Variants in ATP2B2 observed in about 807,000 individuals in gnomAD.
ATP2B2 encodes ATPase plasma membrane Ca2+ transporting 2, also known as plasma membrane calcium-transporting ATPase 2.
A neutral mutation model predicts 120.0 loss-of-function variants in ATP2B2; 15 were observed. That is an observed-to-expected ratio of 0.12 (90% CI 0.08 to 0.19). ATP2B2 has a LOEUF of 0.19. Among genes scored for constraint, ATP2B2 ranks in the 10% least tolerant of loss-of-function variants. The pLI, the probability that ATP2B2 is intolerant of heterozygous loss-of-function variation, is 1.00. For missense variants in ATP2B2, 1,045 were observed against 1,719.8 expected (o/e 0.61, Z 6.94); for synonymous variants, 694 against 700.3 (o/e 0.99, Z 0.14).
At chr3:10,683,660 A>G (rs1412524058) in intron 1 of ATP2B2, among the ~76,000 whole-genome samples, 1 of 149,786 alleles carries the variant, frequency 6.7e-6, no homozygotes, top group African/African-American at 2.5e-5. Flanking sequence ...TTTTTTACCC[A>G]AAGCCTTATA....
intron 1 of ATP2B2, among the ~76,000 whole-genome samples, chr3:10,634,491 C>G (rs1023945441): frequency 6.6e-6 from 1 of 152,246 alleles, no homozygotes; most frequent in African/African-American, 2.4e-5. Flanking sequence ...ATGCCCCAAG[C>G]CAGTCCCTGA....
chr3:10,573,069 C>T (rs2068162694), intron 2 of ATP2B2, among the ~76,000 whole-genome samples: 1 of 152,004 alleles, frequency 6.6e-6, no homozygotes, highest in East Asian at 1.9e-4. Context: ...AATTTCTGCC[C>T]GCAGGTTCCT....
At chr3:10,525,917 G>A (rs561849966) in intron 3 of ATP2B2, among the ~76,000 whole-genome samples, 9 of 151,952 alleles carry the variant, frequency 5.9e-5, no homozygotes, top group Admixed American at 5.2e-4. Context: ...CATCTGCTTC[G>A]CAACTGTATT....
At chr3:10,516,479 C>T (rs540690266) in intron 3 of ATP2B2, among the ~76,000 whole-genome samples, 1 of 152,342 alleles carries the variant, frequency 6.6e-6, no homozygotes, top group South Asian at 2.1e-4. Flanking sequence ...ACTTCCCAAA[C>T]AGCCACTCCC....
chr3:10,628,564 G>A (rs75087106), intron 1 of ATP2B2, among the ~76,000 whole-genome samples: 5,230 of 152,320 alleles, frequency 0.034, 303 homozygotes, highest in African/African-American at 0.12. Context: ...GTAGTAGGGC[G>A]TCCATGCAAT....
At chr3:10,357,783 G>C (rs2060781931) in intron 14 of ATP2B2, among the ~76,000 whole-genome samples, 1 of 152,190 alleles carries the variant, frequency 6.6e-6, no homozygotes, top group African/African-American at 2.4e-5. Context: ...GTGCTCCCCT[G>C]GGGCCTCACA....
intron 1 of ATP2B2, among the ~76,000 whole-genome samples, chr3:10,472,505 C>T (rs920811818): frequency 2.6e-5 from 4 of 152,190 alleles, no homozygotes; most frequent in African/African-American, 4.8e-5. Flanking sequence ...CGGGGCTGTC[C>T]GCCCTCGGAT....
chr3:10,506,366 A>C (rs1337008135), upstream of ATP2B2, among the ~76,000 whole-genome samples: 4 of 152,038 alleles, frequency 2.6e-5, no homozygotes, highest in Admixed American at 6.5e-5. Flanking sequence ...GCATGTCTGT[A>C]CACCCACCTA....
Position 10,643,412 on chromosome 3 carries a change from A to AG in ATP2B2, c.-459-23452_-459-23451insC, listed in dbSNP as rs1559501514. 5.3e-5 allele frequency among the ~76,000 whole-genome samples: 8 copies of AG among 152,320 alleles called. 1 individual carries two copies. Among genetic ancestry groups the AG allele is most frequent in the African/African-American group, 1.9e-4 (8 of 41,574 alleles). On this transcript the variant is annotated intron_variant, in intron 1 of 21. Transcript: ENST00000646379. ...ATCAATGAAGGCCAAGCCTAGGGGA[A>AG]ACTTTGTGGAGAAGCAGCATTATTT...
At chr3:10,344,727 T>C (rs57822046) in intron 18 of ATP2B2, among the ~76,000 whole-genome samples, 6,606 of 152,264 alleles carry the variant, frequency 0.043, 491 homozygotes, top group African/African-American at 0.15. Flanking sequence ...TTTCTGCCTC[T>C]GTAAAATGAG....
intron 1 of ATP2B2, among the ~76,000 whole-genome samples, chr3:10,467,745 T>C (rs530031562): frequency 6.6e-6 from 1 of 152,242 alleles, no homozygotes; most frequent in African/African-American, 2.4e-5. Context: ...CGAGGTAACA[T>C]TTTTGGCGGG....
In ATP2B2 at chr3:10,388,420, A is replaced by T. The variant is rs757585171; in HGVS notation, c.782-18T>A. 7 of 1,614,110 alleles carry T rather than the reference A, an allele frequency of 4.3e-6. No individual in the cohort carries two copies. The East Asian group carries it at 1.1e-4, about 26-fold the overall frequency. On this transcript the variant is annotated intron_variant, in intron 5 of 22. Coordinates refer to ENST00000360273, the MANE Select transcript of ATP2B2 (RefSeq NM_001001331.4). The stretch of plus-strand genomic sequence containing the variant: ...GTGGGTTCCTGGGAAAGGGGACAAA[A>T]GCCAAGTTACCATTGCATGGTTGAA...
intron 16 of ATP2B2, 56 bp downstream of exon 16, chr3:10,350,056 C>T: frequency 1.0e-5 from 16 of 1,566,180 alleles, no homozygotes; most frequent in Non-Finnish European, 1.1e-5. Flanking sequence ...AGAGGAGGGC[C>T]CAGCTTCTGG....
chr3:10,390,453 C>T (rs140935555), intron 5 of ATP2B2, among the ~76,000 whole-genome samples: 6 of 147,512 alleles, frequency 4.1e-5, no homozygotes, highest in South Asian at 2.4e-4. Context: ...AGTGATATCC[C>T]GATGTTGTGT....
intron 11 of ATP2B2, among the ~76,000 whole-genome samples, chr3:10,372,622 G>T (rs2061274918): frequency 6.6e-6 from 1 of 151,936 alleles, no homozygotes; most frequent in South Asian, 2.1e-4. Context: ...TATATCACTT[G>T]CATAATAAAA....
chr3:10,683,758 GTGTATATA>G, intron 1 of ATP2B2, among the ~76,000 whole-genome samples: 2 of 33,642 alleles, frequency 5.9e-5, no homozygotes, highest in Admixed American at 7.0e-4. Flanking sequence ...ATGTGTGTGT[GTGTATATA>G]TATATATATA....
intron 3 of ATP2B2, among the ~76,000 whole-genome samples, chr3:10,517,932 G>A (rs1209936453): frequency 1.3e-5 from 2 of 151,968 alleles, no homozygotes; most frequent in African/African-American, 4.8e-5. Context: ...GGAAATGGCA[G>A]TAGACAGACG....
At chr3:10,683,760 G>GTGTATGTATATATA (rs1446781892) in intron 1 of ATP2B2, among the ~76,000 whole-genome samples, 1 of 53,888 alleles carries the variant, frequency 1.9e-5, no homozygotes, top group African/African-American at 5.6e-5. Context: ...GTGTGTGTGT[G>GTGTATGTATATATA]TATATATATA....
chr3:10,467,670 C>T (rs1299233259), intron 1 of ATP2B2, among the ~76,000 whole-genome samples: 1 of 152,218 alleles, frequency 6.6e-6, no homozygotes, highest in Non-Finnish European at 1.5e-5. Context: ...AGGACATGCA[C>T]TGGGCACCTG....
Sources: gnomAD v4.1 joint callset for allele counts (sites outside exome capture counted in the v4.1 genomes callset) on GRCh38, gnomAD v4.1.1 for gene constraint, MANE v1.5 for transcripts, NCBI Gene and HGNC (gene_info 2026-07-23, HGNC 2026-07-21) for gene names.